The following CADPS variants were observed in gnomAD, a reference collection of about 807,000 sequenced individuals.
CADPS encodes the protein calcium-dependent secretion activator 1.
A neutral mutation model predicts 167.3 loss-of-function variants in CADPS; 57 were observed. The observed-to-expected ratio is 0.34, with a 90% CI of 0.28 to 0.42. The LOEUF (loss-of-function observed/expected upper bound fraction) is 0.42, where lower values mean the gene tolerates loss of function less well. CADPS is among the 20% of genes least tolerant of loss of function. The pLI is 1.00. For synonymous variants in CADPS, 676 were observed against 635.3 expected (o/e 1.06, Z -0.96); for missense variants, 1,414 against 1,738.1 (o/e 0.81, Z 3.32).
At chr3:62,460,507 G>C (rs2059210304) in intron 26 of CADPS, among the ~76,000 whole-genome samples, 1 of 152,158 alleles carries the variant, frequency 6.6e-6, no homozygotes, top group African/African-American at 2.4e-5. Context: ...AATGCCATCA[G>C]AGAAAATACT....
intron 28 of CADPS, among the ~76,000 whole-genome samples, chr3:62,416,792 C>CTGA (rs2050146648): frequency 6.6e-6 from 1 of 152,098 alleles, no homozygotes; most frequent in South Asian, 2.1e-4. Context: ...GTGGGCTAAA[C>CTGA]ACAGACAGGA....
intron 11 of CADPS, among the ~76,000 whole-genome samples, chr3:62,548,925 T>C (rs1459405338): frequency 6.6e-6 from 1 of 152,262 alleles, no homozygotes; most frequent in Admixed American, 6.5e-5. Context: ...ATCTGTTCAC[T>C]TGTTTACTAT....
intron 24 of CADPS, 26 bp downstream of exon 24, chr3:62,474,147 A>T: frequency 3.3e-6 from 2 of 602,454 alleles, no homozygotes; most frequent in Non-Finnish European, 4.5e-6. Context: ...GGAAAAAAAA[A>T]TCTGTATTTT....
rs867307781 is a variant in CADPS at position 62,861,074 on chromosome 3, T to C, written c.441+13515A>G. The stretch of plus-strand genomic sequence containing the variant: ...CCTCTCTCCTTCTATGGGCTTGACA[T>C]AAACCTGGGTTTATTGTGGGGTTTA... On this transcript the variant is annotated intron_variant, in intron 1 of 29. Transcript: ENST00000383710. Among the ~76,000 whole-genome samples, 7 of 152,324 alleles carry C rather than the reference T, an allele frequency of 4.6e-5. No individual in the cohort carries two copies. The Middle Eastern group carries it at 0.02, about 444-fold the overall frequency.
chr3:62,699,729 C>T (rs754927393), intron 3 of CADPS, among the ~76,000 whole-genome samples: 6 of 151,968 alleles, frequency 3.9e-5, no homozygotes, highest in South Asian at 4.2e-4. Flanking sequence ...CCACCACACC[C>T]GGCTAATTTT....
Position 62,874,657 on chromosome 3 carries a change from C to G in CADPS, c.373G>C (p.Val125Leu), listed in dbSNP as rs142784700. 23 of 1,558,810 alleles carry G rather than the reference C, an allele frequency of 1.5e-5. No individual in the cohort carries two copies. In the East Asian group the frequency reaches 4.8e-4, roughly 32 times the overall value. Residue 125 changes from valine (V) to leucine (L), a missense_variant, in exon 1 of 30, where the codon GTG becomes CTG. Val to Leu is a conservative substitution (Grantham distance 32). Coordinates refer to ENST00000383710, the MANE Select transcript of CADPS (RefSeq NM_003716.4). The surrounding 1 kb of genome is among the most constrained non-coding windows in gnomAD (Gnocchi z 7.1). ...RKKRLQLYVF[V>L]MRCIAYPFNA... ...AAGGGGTAGGCGATGCAGCGCATCA[C>G]GAACACATACAGCTGCAGCCTCTTC...
intron 18 of CADPS, among the ~76,000 whole-genome samples, chr3:62,495,618 A>AT (rs1370951420): frequency 6.6e-6 from 1 of 152,236 alleles, no homozygotes; most frequent in African/African-American, 2.4e-5. Flanking sequence ...TACAGTCTAC[A>AT]TCAAACACAC....
chr3:62,443,227 C>T (rs952126915), intron 27 of CADPS, among the ~76,000 whole-genome samples: 4 of 152,330 alleles, frequency 2.6e-5, no homozygotes, highest in Admixed American at 6.5e-5. Context: ...AGCAAATTAA[C>T]TTCTCTGTGC....
chr3:62,626,753 TCAGA>T (rs1483135279), intron 6 of CADPS, among the ~76,000 whole-genome samples: 11 of 152,138 alleles, frequency 7.2e-5, no homozygotes, highest in Non-Finnish European at 1.2e-4. Flanking sequence ...ATATTTACAA[TCAGA>T]CAGAACAAGA....
intron 6 of CADPS, among the ~76,000 whole-genome samples, chr3:62,619,399 C>A (rs1038653362): frequency 4.6e-5 from 7 of 152,168 alleles, no homozygotes; most frequent in Admixed American, 1.3e-4. Context: ...AAGCCCTACA[C>A]GTGCTGCATT....
chr3:62,740,950 A>G (rs898102590), intron 3 of CADPS, among the ~76,000 whole-genome samples: 2 of 152,214 alleles, frequency 1.3e-5, no homozygotes, highest in African/African-American at 4.8e-5. Context: ...AACAGTTAGA[A>G]TTTATTGTGG....
At chr3:62,623,623 C>T (rs1379564455) in intron 6 of CADPS, among the ~76,000 whole-genome samples, 4 of 152,078 alleles carry the variant, frequency 2.6e-5, no homozygotes, top group Non-Finnish European at 5.9e-5. Flanking sequence ...GCTAGCTGTA[C>T]CTTGGTCCCT....
intron 3 of CADPS, among the ~76,000 whole-genome samples, chr3:62,690,152 A>G (rs2078845342): frequency 6.6e-6 from 1 of 151,900 alleles, no homozygotes; most frequent in African/African-American, 2.4e-5. Context: ...TTTCTGGAAG[A>G]TCTGTCAACA....
At chr3:62,467,311 A>C (rs1046823916) in intron 24 of CADPS, 1 of 1,264,694 alleles carries the variant, frequency 7.9e-7, no homozygotes, top group Non-Finnish European at 1.0e-6. Flanking sequence ...CATTTTAGCA[A>C]ACTTTCAGAA....
Position 62,399,647 on chromosome 3 carries a change from G to C in CADPS, c.3883-62C>G. On this transcript the variant is annotated intron_variant, in intron 29 of 29. Coordinates refer to ENST00000383710, the MANE Select transcript of CADPS (RefSeq NM_003716.4). This position sits in a 1 kb window ranked among gnomAD's most constrained non-coding sequence, Gnocchi z 5.6. ...CATCTCCATGATGGGGAGGGAGAAG[G>C]TAAAAGCAGGTGTGGGTGGGAGAGC... The C allele has an allele frequency of 7.0e-7, 1 of 1,420,288 alleles. No homozygotes were observed. The highest frequency in any genetic ancestry group is 1.2e-5 in the South Asian group (1 of 83,432). 88.0% of individuals were successfully genotyped at this position (1,420,288 alleles called of 1,614,324 possible). A position where few individuals can be genotyped will look rare whatever the true frequency, so the allele number is the denominator to read the frequency against.
At chr3:62,569,722 C>G (rs1370229938) in intron 9 of CADPS, among the ~76,000 whole-genome samples, 1 of 152,114 alleles carries the variant, frequency 6.6e-6, no homozygotes, top group African/African-American at 2.4e-5. Flanking sequence ...GTCAAGTAAC[C>G]CAGTAAGAAC....
At chr3:62,768,094 C>T (rs1414847771) in intron 1 of CADPS, among the ~76,000 whole-genome samples, 1 of 152,100 alleles carries the variant, frequency 6.6e-6, no homozygotes, top group Admixed American at 6.5e-5. Context: ...CTGCTCTGAC[C>T]CATGGAGCAG....
At chr3:62,407,134 A>G (rs892297574) in intron 28 of CADPS, among the ~76,000 whole-genome samples, 1 of 149,254 alleles carries the variant, frequency 6.7e-6, no homozygotes, top group African/African-American at 2.4e-5. Context: ...CACTGCAATC[A>G]ACATCATCAT....
At chr3:62,516,007 G>A (rs2068887781) in intron 16 of CADPS, 52 bp downstream of exon 16, 2 of 1,608,358 alleles carry the variant, frequency 1.2e-6, no homozygotes, top group Non-Finnish European at 1.7e-6. Flanking sequence ...GACTTCCCCA[G>A]GGAGGCATAT....
Sources: allele counts gnomAD v4.1 joint callset (sites outside exome capture counted in the v4.1 genomes callset), GRCh38; gene constraint gnomAD v4.1.1; non-coding constraint Gnocchi (gnomAD v3.1); transcripts MANE v1.5; gene names NCBI Gene and HGNC (gene_info 2026-07-23, HGNC 2026-07-21).